GALNTL6: variants seen among roughly 807,000 people sequenced by gnomAD.
GALNTL6 encodes polypeptide N-acetylgalactosaminyltransferase-like 6.
A neutral mutation model predicts 73.7 loss-of-function variants in GALNTL6; 46 were observed. The observed-to-expected ratio is 0.62, with a 90% CI of 0.49 to 0.80. GALNTL6 has a LOEUF of 0.80. GALNTL6 is among the 30% of genes least tolerant of loss of function. GALNTL6 has a pLI of 0.00. For missense variants in GALNTL6, 604 were observed against 755.0 expected, an observed-to-expected ratio of 0.80 and a Z score of 2.34; for synonymous variants, 259 against 263.7, an observed-to-expected ratio of 0.98 and a Z score of 0.17.
intron 2 of GALNTL6, among the ~76,000 whole-genome samples, chr4:172,077,111 A>G (rs767190634): frequency 1.4e-4 from 22 of 152,220 alleles, no homozygotes; most frequent in Admixed American, 4.6e-4. Flanking sequence ...GAGTCAATTA[A>G]ACCTCTTTTC....
Position 172,804,200 on chromosome 4 carries a change from G to A in GALNTL6, c.554-5161G>A, listed in dbSNP as rs548883933. 1.3e-5 allele frequency among the ~76,000 whole-genome samples: 2 copies of A among 152,168 alleles called. 1 individual carries two copies. Among genetic ancestry groups the A allele is most frequent in the South Asian group, 4.2e-4 (2 of 4,812 alleles). On this transcript the variant is annotated intron_variant, in intron 5 of 12. Coordinates refer to ENST00000506823, the MANE Select transcript of GALNTL6 (RefSeq NM_001034845.3). ...GTAAAGTATTGCCCCTATCACTCTG[G>A]TAAAAACCTCAAAATACCCAGAATA...
chr4:172,832,027 G>A (rs550074106), intron 7 of GALNTL6, among the ~76,000 whole-genome samples: 10 of 152,302 alleles, frequency 6.6e-5, no homozygotes, highest in African/African-American at 2.2e-4. Flanking sequence ...ACCAAGAGAA[G>A]CCTTGAGCCT....
intron 2 of GALNTL6, among the ~76,000 whole-genome samples, chr4:172,118,287 G>T (rs929227890): frequency 2.6e-5 from 4 of 152,038 alleles, no homozygotes; most frequent in African/African-American, 9.7e-5. Flanking sequence ...AAAGGCTGTA[G>T]GTTACTGTCA....
At chr4:172,368,852 G>T (rs1054328604) in intron 5 of GALNTL6, among the ~76,000 whole-genome samples, 2 of 152,216 alleles carry the variant, frequency 1.3e-5, no homozygotes, top group African/African-American at 4.8e-5. Context: ...CAGATGTTCA[G>T]ATGTGTCTGG....
chr4:172,695,740 G>T (rs935553399), intron 5 of GALNTL6, among the ~76,000 whole-genome samples: 1 of 152,160 alleles, frequency 6.6e-6, no homozygotes, highest in African/African-American at 2.4e-5. Flanking sequence ...GAGGTCAGGA[G>T]ATCAAGACCA....
chr4:172,501,779 T>G (rs922477467), intron 5 of GALNTL6, among the ~76,000 whole-genome samples: 1 of 152,138 alleles, frequency 6.6e-6, no homozygotes, highest in Non-Finnish European at 1.5e-5. Flanking sequence ...AAAATTAAAC[T>G]ATCTTCCCAA....
chr4:172,459,803 A>G (rs1732544365), intron 5 of GALNTL6, among the ~76,000 whole-genome samples: 1 of 152,298 alleles, frequency 6.6e-6, no homozygotes, highest in African/African-American at 2.4e-5. Flanking sequence ...TAATTTATAG[A>G]TTCAGTGTTA....
intron 5 of GALNTL6, among the ~76,000 whole-genome samples, chr4:172,783,528 G>T (rs1398279411): frequency 2.0e-5 from 3 of 147,962 alleles, no homozygotes; most frequent in Non-Finnish European, 3.0e-5. Flanking sequence ...TATAATAATA[G>T]TAATAATATT....
chr4:171,936,910 A>G (rs1738365688), intron 2 of GALNTL6, among the ~76,000 whole-genome samples: 1 of 152,162 alleles, frequency 6.6e-6, no homozygotes, highest in Non-Finnish European at 1.5e-5. Flanking sequence ...CATAGAGTAG[A>G]TATTAGTTCA....
chr4:172,302,112 C>T (rs1018928391), intron 3 of GALNTL6, among the ~76,000 whole-genome samples: 6 of 152,292 alleles, frequency 3.9e-5, no homozygotes, highest in African/African-American at 1.4e-4. Context: ...GCAGTTTGAT[C>T]TCAGACTGCT....
At chr4:172,856,952 G>A (rs946543843) in intron 7 of GALNTL6, among the ~76,000 whole-genome samples, 1 of 152,202 alleles carries the variant, frequency 6.6e-6, no homozygotes, top group Admixed American at 6.5e-5. Context: ...GATGTGGGTT[G>A]CAGCACATTT....
intron 2 of GALNTL6, among the ~76,000 whole-genome samples, chr4:171,957,122 T>C (rs1739075708): frequency 6.6e-6 from 1 of 152,178 alleles, no homozygotes; most frequent in African/African-American, 2.4e-5. Flanking sequence ...TAAAAGTAGT[T>C]TTCTCAGGAA....
At chr4:172,145,758 C>G (rs2110748878) in intron 2 of GALNTL6, among the ~76,000 whole-genome samples, 1 of 152,282 alleles carries the variant, frequency 6.6e-6, no homozygotes, top group Admixed American at 6.5e-5. Flanking sequence ...AAAACTCTAT[C>G]TCTTTTCATT....
intron 2 of GALNTL6, among the ~76,000 whole-genome samples, chr4:171,879,191 A>G (rs994255552): frequency 3.9e-5 from 6 of 152,210 alleles, no homozygotes; most frequent in Admixed American, 6.5e-5. Context: ...CTAAGCCATG[A>G]GCTTGTGCAG....
At chr4:172,669,045 G>C (rs1489084325) in intron 5 of GALNTL6, 1 of 152,108 alleles carries the variant, frequency 6.6e-6, no homozygotes. Context: ...CTGTAATATA[G>C]ATATTGGAAC....
chr4:172,482,454 A>C (rs935648489), intron 5 of GALNTL6, among the ~76,000 whole-genome samples: 12 of 152,250 alleles, frequency 7.9e-5, no homozygotes, highest in South Asian at 4.1e-4. Context: ...TTCAAGGATG[A>C]GGAAATAGGC....
At chr4:171,987,197 T>C (rs150889298) in intron 2 of GALNTL6, among the ~76,000 whole-genome samples, 1,665 of 152,310 alleles carry the variant, frequency 0.011, 21 homozygotes, top group African/African-American at 0.033. Flanking sequence ...TTGTCCAGTC[T>C]TTTTTAAGTT....
rs138248783 is a variant in GALNTL6 at position 172,975,134 on chromosome 4, T to C, written c.1371+22876T>C. Among the ~76,000 whole-genome samples, 1,331 of 152,342 alleles carry C rather than the reference T, an allele frequency of 8.7e-3. 20 individuals carry two copies. The highest frequency in any genetic ancestry group is 0.03 in the African/African-American group (1,261 of 41,584). On this transcript the variant is annotated intron_variant, in intron 10 of 12. Coordinates refer to ENST00000506823, the MANE Select transcript of GALNTL6 (RefSeq NM_001034845.3). ...CCATCTTTTGGCAGGTCTTGAGTTT[T>C]TGTCCTGCATCCAGGAAGAATGAGG... is the stretch of plus-strand genomic sequence containing the variant.
At chr4:172,617,119 TAG>T (rs1397954617) in intron 5 of GALNTL6, among the ~76,000 whole-genome samples, 9 of 151,766 alleles carry the variant, frequency 5.9e-5, no homozygotes, top group African/African-American at 2.2e-4. Flanking sequence ...CATAAGTAGG[TAG>T]AAAGATAAGT....
Sources: allele counts gnomAD v4.1 joint callset (sites outside exome capture counted in the v4.1 genomes callset), GRCh38; gene constraint gnomAD v4.1.1; transcripts MANE v1.5; gene names NCBI Gene and HGNC (gene_info 2026-07-23, HGNC 2026-07-21).